Variants in MSRB3 observed in about 807,000 individuals in gnomAD.
MSRB3 encodes the protein methionine sulfoxide reductase B3, also known as methionine-R-sulfoxide reductase B3.
Under a neutral mutation model 21.0 loss-of-function variants are expected in MSRB3, and 13 were observed. That is an observed-to-expected ratio of 0.62 (90% CI 0.40 to 0.98). The LOEUF is 0.98. Among genes scored for constraint, MSRB3 ranks in the 50% least tolerant of loss-of-function variants. The pLI, the probability that MSRB3 is intolerant of heterozygous loss-of-function variation, is 0.00. For synonymous variants in MSRB3, 87 were observed against 88.6 expected, an observed-to-expected ratio of 0.98 and a Z score of 0.10; for missense variants, 199 against 230.3, an observed-to-expected ratio of 0.86 and a Z score of 0.88.
intron 4 of MSRB3, among the ~76,000 whole-genome samples, chr12:65,358,016 A>T (rs752946586): frequency 6.6e-6 from 1 of 152,106 alleles, no homozygotes; most frequent in South Asian, 2.1e-4. Context: ...GTAGGGATTT[A>T]TGTTCCCCAT....
At chr12:65,298,673 T>C (rs1432209518) in intron 1 of MSRB3, among the ~76,000 whole-genome samples, 3 of 152,154 alleles carry the variant, frequency 2.0e-5, no homozygotes, top group Non-Finnish European at 4.4e-5. Context: ...AAGCCATCAT[T>C]ATAATTTTAT....
intron 2 of MSRB3, among the ~76,000 whole-genome samples, chr12:65,316,621 A>T (rs1285248609): frequency 6.6e-6 from 1 of 152,180 alleles, no homozygotes; most frequent in Non-Finnish European, 1.5e-5. Context: ...TATCAAAATA[A>T]TGTCACATTA....
intron 5 of MSRB3, among the ~76,000 whole-genome samples, chr12:65,380,042 A>T (rs183738613): frequency 1.5e-4 from 23 of 152,334 alleles, no homozygotes; most frequent in Non-Finnish European, 2.8e-4. Context: ...GGTAATTTGA[A>T]TGGTTTCAGC....
At chr12:65,308,808 T>C in intron 2 of MSRB3, 153 bp downstream of exon 2, 1 of 923,514 alleles carries the variant, frequency 1.1e-6, no homozygotes, top group Non-Finnish European at 1.7e-6. Flanking sequence ...ATCACCACTC[T>C]ACTTTGAGTA....
chr12:65,452,356 T>C (rs1882893939), intron 5 of MSRB3, among the ~76,000 whole-genome samples: 2 of 152,198 alleles, frequency 1.3e-5, no homozygotes, highest in Admixed American at 1.3e-4. Context: ...CACTAGCAAT[T>C]GGCACTTCTA....
chr12:65,371,573 ATG>A lies in MSRB3; in HGVS notation c.292+2571_292+2572del, dbSNP rs149808439. Among the ~76,000 whole-genome samples the A allele has an allele frequency of 8.1e-3, 1,199 of 147,720 alleles. 24 individuals carry two copies. The East Asian group carries it at 0.083, about 10-fold the overall frequency. On this transcript the variant is annotated intron_variant, in intron 5 of 6. Coordinates refer to ENST00000308259, the MANE Select transcript of MSRB3 (RefSeq NM_001031679.3). ...GGAAAGGATTTCAAAGTTAAATTTT[ATG>A]TGTGTGTGTGTGTGTGTGTGTGTAC... is the stretch of plus-strand genomic sequence containing the variant.
At position 65,419,064 on chromosome 12, in the gene MSRB3, C is replaced by T. The variant is rs1592618878; in HGVS notation, c.293-34664C>T. ...CCCTCAGGCTGTTCTCCAAGCTGGC[C>T]TTCAGATTTCTCATGGAGTCCAGGT... On this transcript the variant is annotated intron_variant, in intron 5 of 6. Transcript: ENST00000308259. 3 of 699,598 alleles carry T rather than the reference C, an allele frequency of 4.3e-6. No homozygotes were observed. The Admixed American group carries it at 6.0e-5, about 14-fold the overall frequency. The allele number at this position is 699,598 out of a possible 1,614,324, so 43.3% of individuals were successfully genotyped here.
intron 4 of MSRB3, among the ~76,000 whole-genome samples, chr12:65,353,942 A>G (rs1278852780): frequency 2.0e-5 from 3 of 151,898 alleles, no homozygotes; most frequent in African/African-American, 7.3e-5. Flanking sequence ...ATCTCTCAGC[A>G]TTTGCTTGTC....
At position 65,437,368 on chromosome 12, in the gene MSRB3, G is replaced by A. The variant is rs560758953; in HGVS notation, c.293-16360G>A. ...TGAGCTGCATCACTGTTCGTGACAGGAATTTTGGATACAGGAGGCTTTTTC... is the reference window on the plus strand; with the variant it reads ...TGAGCTGCATCACTGTTCGTGACAGAAATTTTGGATACAGGAGGCTTTTTC... On this transcript the variant is annotated intron_variant, in intron 5 of 6. Transcript: ENST00000308259. Among the ~76,000 whole-genome samples the A allele has an allele frequency of 2.3e-4, 35 of 151,948 alleles. 1 individual carries two copies. In the South Asian group the frequency reaches 4.8e-3, roughly 21 times the overall value.
At chr12:65,294,524 G>C (rs1467792489) in intron 1 of MSRB3, among the ~76,000 whole-genome samples, 1 of 152,192 alleles carries the variant, frequency 6.6e-6, no homozygotes, top group Non-Finnish European at 1.5e-5. Flanking sequence ...GACTGAGGAA[G>C]AACATGGGTG....
intron 5 of MSRB3, among the ~76,000 whole-genome samples, chr12:65,443,655 T>C (rs1337606997): frequency 1.3e-5 from 2 of 152,100 alleles, no homozygotes; most frequent in Admixed American, 6.6e-5. Flanking sequence ...TCCTGGCTTA[T>C]AGGCAGTCAT....
At chr12:65,447,525 C>CA (rs1354445555) in intron 5 of MSRB3, among the ~76,000 whole-genome samples, 1 of 151,696 alleles carries the variant, frequency 6.6e-6, no homozygotes, top group Non-Finnish European at 1.5e-5. Flanking sequence ...AATAAGTTGC[C>CA]AAAAAAATAC....
chr12:65,367,302 G>A (rs1385591937), intron 4 of MSRB3, among the ~76,000 whole-genome samples: 1 of 152,170 alleles, frequency 6.6e-6, no homozygotes, highest in African/African-American at 2.4e-5. Context: ...ATATGATGAA[G>A]GGAAGAGGAA....
At chr12:65,382,515 G>GT (rs1878991078) in intron 5 of MSRB3, among the ~76,000 whole-genome samples, 1 of 151,804 alleles carries the variant, frequency 6.6e-6, no homozygotes, top group Non-Finnish European at 1.5e-5. Flanking sequence ...TTAGGAATTT[G>GT]TTTAAATTTC....
At chr12:65,312,215 T>C (rs1292444422) in intron 2 of MSRB3, among the ~76,000 whole-genome samples, 1 of 152,120 alleles carries the variant, frequency 6.6e-6, no homozygotes, top group Admixed American at 6.6e-5. Flanking sequence ...TTTTATTAAC[T>C]GTCACTTGTT....
At chr12:65,442,408 T>C (rs1406123007) in intron 5 of MSRB3, among the ~76,000 whole-genome samples, 1 of 152,098 alleles carries the variant, frequency 6.6e-6, no homozygotes, top group Non-Finnish European at 1.5e-5. Context: ...TGAATAGCCC[T>C]AATTGAGAAC....
At chr12:65,400,061 T>C (rs866868985) in intron 5 of MSRB3, among the ~76,000 whole-genome samples, 9 of 152,272 alleles carry the variant, frequency 5.9e-5, no homozygotes, top group Admixed American at 2.0e-4. Flanking sequence ...GCCTGAAATT[T>C]TCTTTTTTTG....
At chr12:65,294,426 A>C (rs954463770) in intron 1 of MSRB3, among the ~76,000 whole-genome samples, 3 of 152,180 alleles carry the variant, frequency 2.0e-5, no homozygotes, top group African/African-American at 7.2e-5. Context: ...AGTTTTTCAA[A>C]GTGGGTTTAT....
chr12:65,438,252 C>T (rs1279100077), intron 5 of MSRB3, among the ~76,000 whole-genome samples: 1 of 151,888 alleles, frequency 6.6e-6, no homozygotes, highest in East Asian at 1.9e-4. Context: ...AAGGAAGCCA[C>T]TGCTGAGACC....
Sources: allele counts gnomAD v4.1 joint callset (sites outside exome capture counted in the v4.1 genomes callset), GRCh38; gene constraint gnomAD v4.1.1; transcripts MANE v1.5; gene names NCBI Gene and HGNC (gene_info 2026-07-23, HGNC 2026-07-21).